Variants in NAALADL2 observed in about 807,000 individuals in gnomAD.
The protein encoded by NAALADL2 is inactive N-acetylated-alpha-linked acidic dipeptidase-like protein 2.
In NAALADL2, 76 loss-of-function variants were observed where a neutral mutation model predicts 87.2. That is an observed-to-expected ratio of 0.87 (90% CI 0.72 to 1.05). NAALADL2 has a LOEUF of 1.05. NAALADL2 is among the 50% of genes least tolerant of loss of function. The pLI, the probability that NAALADL2 is intolerant of heterozygous loss-of-function variation, is 0.00. For synonymous variants in NAALADL2, 354 were observed against 331.0 expected (o/e 1.07, Z -0.75); for missense variants, 1,089 against 945.8 (o/e 1.15, Z -1.99).
intron 2 of NAALADL2, among the ~76,000 whole-genome samples, chr3:175,229,726 A>C (rs1223453424): frequency 6.6e-6 from 1 of 152,008 alleles, no homozygotes; most frequent in African/African-American, 2.4e-5. Context: ...CATTCAGACT[A>C]CAGCAATAAT....
rs142944173 is a variant in NAALADL2 at position 175,738,781 on chromosome 3, C to G, written c.1990+1382C>G. On this transcript the variant is annotated intron_variant, in intron 12 of 13. Transcript: ENST00000454872. ...TTCCTTCTTTCCTACCTACATTAGGCTTTCATCTTACTGTTGTCAGTGTGT... is the reference window on the plus strand; with the variant it reads ...TTCCTTCTTTCCTACCTACATTAGGGTTTCATCTTACTGTTGTCAGTGTGT... 2.4e-3 allele frequency among the ~76,000 whole-genome samples: 358 copies of G among 152,274 alleles called. 2 individuals are homozygous for G. The highest frequency in any genetic ancestry group is 8.4e-3 in the African/African-American group (348 of 41,562).
At chr3:174,680,925 C>T (rs1166507413) in intron 2 of NAALADL2, among the ~76,000 whole-genome samples, 2 of 152,162 alleles carry the variant, frequency 1.3e-5, no homozygotes, top group Non-Finnish European at 2.9e-5. Flanking sequence ...CTGAAAGATA[C>T]ACTGAAGAGG....
At chr3:174,703,986 A>G (rs1729823264) in intron 2 of NAALADL2, among the ~76,000 whole-genome samples, 1 of 152,166 alleles carries the variant, frequency 6.6e-6, no homozygotes, top group Non-Finnish European at 1.5e-5. Flanking sequence ...GCTGGAGAAA[A>G]GGAGAATCTA....
intron 5 of NAALADL2, among the ~76,000 whole-genome samples, chr3:175,431,583 G>A (rs920496977): frequency 3.3e-5 from 5 of 151,876 alleles, no homozygotes; most frequent in East Asian, 1.9e-4. Context: ...GAATGTCGGC[G>A]TGCAGGCATT....
chr3:175,107,549 C>T (rs1187786152), intron 2 of NAALADL2, among the ~76,000 whole-genome samples: 1 of 151,478 alleles, frequency 6.6e-6, no homozygotes, highest in Non-Finnish European at 1.5e-5. Context: ...CACACACACA[C>T]ATCCTATACG....
intron 9 of NAALADL2, among the ~76,000 whole-genome samples, chr3:175,573,822 G>T (rs1415830050): frequency 1.3e-5 from 2 of 152,102 alleles, no homozygotes; most frequent in Non-Finnish European, 2.9e-5. Context: ...AATTGCTGGT[G>T]GGGGGTGGGG....
At chr3:175,443,055 G>C (rs1373163032) in intron 5 of NAALADL2, among the ~76,000 whole-genome samples, 1 of 152,106 alleles carries the variant, frequency 6.6e-6, no homozygotes, top group Non-Finnish European at 1.5e-5. Context: ...TCTTCTCTCA[G>C]CTCTTCTTCA....
At chr3:175,286,587 T>C (rs980741253) in intron 4 of NAALADL2, among the ~76,000 whole-genome samples, 2 of 152,182 alleles carry the variant, frequency 1.3e-5, no homozygotes, top group African/African-American at 2.4e-5. Flanking sequence ...ACCTCTATAA[T>C]ACCTATGGAT....
intron 9 of NAALADL2, among the ~76,000 whole-genome samples, chr3:175,481,905 G>A (rs994101065): frequency 2.6e-5 from 4 of 151,650 alleles, no homozygotes; most frequent in Non-Finnish European, 4.4e-5. Context: ...AAAAGAAATC[G>A]GTATTTACTT....
intron 10 of NAALADL2, among the ~76,000 whole-genome samples, chr3:175,625,395 T>C (rs1161185528): frequency 6.6e-6 from 1 of 152,038 alleles, no homozygotes; most frequent in African/African-American, 2.4e-5. Context: ...ATTTAAGTAT[T>C]GATGTGTATG....
chr3:175,448,713 G>A lies in NAALADL2; in HGVS notation c.1234+1341G>A, dbSNP rs575284872. On this transcript the variant is annotated intron_variant, in intron 6 of 13. Transcript: ENST00000454872. Reference sequence around the variant, plus strand: ...AAAATTTTTTTGTGTTATATGTTATGTTATATATTTTTTGAGACAAAGTCT... The same window carrying A: ...AAAATTTTTTTGTGTTATATGTTATATTATATATTTTTTGAGACAAAGTCT... 7.9e-5 allele frequency among the ~76,000 whole-genome samples: 12 copies of A among 152,224 alleles called. No individual in the cohort carries two copies. In the South Asian group the frequency reaches 2.5e-3, roughly 32 times the overall value.
chr3:175,489,494 G>T (rs1024729610), intron 9 of NAALADL2, among the ~76,000 whole-genome samples: 1 of 152,120 alleles, frequency 6.6e-6, no homozygotes, highest in Non-Finnish European at 1.5e-5. Context: ...AAAAGAGAAA[G>T]ACCTAAGTTG....
intron 1 of NAALADL2, among the ~76,000 whole-genome samples, chr3:174,546,335 C>T (rs533319427): frequency 6.6e-6 from 1 of 152,230 alleles, no homozygotes; most frequent in South Asian, 2.1e-4. Context: ...CTGGTTCAGC[C>T]TTTCTAGGAC....
intron 1 of NAALADL2, among the ~76,000 whole-genome samples, chr3:175,052,657 G>A (rs1340449959): frequency 1.3e-5 from 2 of 151,480 alleles, no homozygotes; most frequent in Non-Finnish European, 2.9e-5. Flanking sequence ...TACCTGGGAT[G>A]TTTTAAATAT....
At chr3:175,657,434 C>T (rs1370093287) in intron 11 of NAALADL2, among the ~76,000 whole-genome samples, 2 of 151,772 alleles carry the variant, frequency 1.3e-5, no homozygotes, top group East Asian at 1.9e-4. Context: ...ATCATATTTA[C>T]GTATTTTTTA....
intron 1 of NAALADL2, among the ~76,000 whole-genome samples, chr3:174,500,417 AT>A (rs950615488): frequency 2.7e-4 from 41 of 151,774 alleles, no homozygotes; most frequent in Admixed American, 5.2e-4. Flanking sequence ...AATGTCTTTT[AT>A]TTTTTTCCCC....
intron 2 of NAALADL2, among the ~76,000 whole-genome samples, chr3:175,187,318 A>G (rs1023802623): frequency 6.6e-6 from 1 of 152,256 alleles, no homozygotes; most frequent in African/African-American, 2.4e-5. Flanking sequence ...GTGCTGTAAC[A>G]GAAGCATTGA....
intron 3 of NAALADL2, among the ~76,000 whole-genome samples, chr3:175,246,718 CT>C (rs1263616694): frequency 6.6e-6 from 1 of 152,118 alleles, no homozygotes; most frequent in African/African-American, 2.4e-5. Flanking sequence ...TCTGTTGCTT[CT>C]GCTAAGAGTG....
chr3:175,529,224 A>C (rs911806774), intron 9 of NAALADL2, among the ~76,000 whole-genome samples: 6 of 152,194 alleles, frequency 3.9e-5, no homozygotes, highest in African/African-American at 1.2e-4. Flanking sequence ...CAGCCACCCC[A>C]GACAACACTG....
Sources: gnomAD v4.1 joint callset for allele counts (sites outside exome capture counted in the v4.1 genomes callset) on GRCh38, gnomAD v4.1.1 for gene constraint, MANE v1.5 for transcripts, NCBI Gene and HGNC (gene_info 2026-07-23, HGNC 2026-07-21) for gene names.